The following SEMA4C variants were observed in gnomAD, a reference collection of about 807,000 sequenced individuals.
SEMA4C encodes semaphorin 4C, also known as semaphorin-4C.
In SEMA4C, 19 loss-of-function variants were observed where a neutral mutation model predicts 89.0. The ratio of observed to expected loss-of-function variants is 0.21; its 90% confidence interval spans 0.15 to 0.31. SEMA4C has a LOEUF of 0.31. Ranked by LOEUF, SEMA4C falls within the 10% of genes least tolerant of loss-of-function variation. The pLI is 1.00. For synonymous variants in SEMA4C, 428 were observed against 472.7 expected (o/e 0.91, Z 1.23); for missense variants, 811 against 1,107.0 (o/e 0.73, Z 3.79).
Position 96,866,276 on chromosome 2 carries a change from C to T in SEMA4C, c.258+7G>A. The T allele has an allele frequency of 6.2e-7, 1 of 1,604,452 alleles. No individual in the cohort carries two copies. On this transcript the variant is annotated splice_region_variant and intron_variant, in intron 3 of 14. Transcript: ENST00000305476. The stretch of plus-strand genomic sequence containing the variant: ...GCCCGACTGCCTCCCACTGCCCCAC[C>T]TCTCACCGCTCCTTGCAGCTCCAGG...
Position 96,864,648 on chromosome 2 carries a change from C to T in SEMA4C, c.962+57G>A, listed in dbSNP as rs1437258058. The T allele has an allele frequency of 5.2e-6, 8 of 1,547,238 alleles. No homozygotes were observed. Among genetic ancestry groups the T allele is most frequent in the South Asian group, 1.2e-5 (1 of 81,188 alleles). On this transcript the variant is annotated intron_variant, in intron 9 of 14. Transcript: ENST00000305476. This position sits in a 1 kb window ranked among gnomAD's most constrained non-coding sequence, Gnocchi z 6.3. ...CTGGTCCAGGCTCCCACCCATGCAC[C>T]GTCCCTGACCTGAACCCCAGCTCCT... is the stretch of plus-strand genomic sequence containing the variant.
At chr2:96,867,335 C>T (rs1368675988) in intron 2 of SEMA4C, among the ~76,000 whole-genome samples, 1 of 152,190 alleles carries the variant, frequency 6.6e-6, no homozygotes, top group African/African-American at 2.4e-5. Context: ...CTGCTGGGTC[C>T]CCGCTGTGCC....
intron 1 of SEMA4C, 39 bp downstream of exon 1, chr2:96,869,837 C>T (rs1366047279): frequency 1.0e-6 from 1 of 985,430 alleles, no homozygotes; most frequent in African/African-American, 1.7e-5. Context: ...GCTCCGGGGC[C>T]CCGCGGCTCC....
chr2:96,867,905 G>C lies in SEMA4C; in HGVS notation c.-19C>G, dbSNP rs1428040644. ...GGGCCATGGCGCACGCCCCGGCTCT[G>C]AGCTTCAGGCCAGCTGTCCTGCTGA... is the stretch of plus-strand genomic sequence containing the variant. On this transcript the variant is annotated 5_prime_UTR_variant, in exon 2 of 15. Transcript: ENST00000305476. The C allele has an allele frequency of 6.2e-7, 1 of 1,613,382 alleles. No individual in the cohort carries two copies. Among genetic ancestry groups the C allele is most frequent in the Admixed American group, 1.7e-5 (1 of 60,014 alleles).
In SEMA4C at chr2:96,867,804, A is replaced by G; in HGVS notation, c.83T>C (p.Val28Ala). 1 of 1,613,582 alleles carries G rather than the reference A, an allele frequency of 6.2e-7. No individual in the cohort carries two copies. Among genetic ancestry groups the G allele is most frequent in the Non-Finnish European group, 8.5e-7 (1 of 1,179,904 alleles). Residue 28 changes from valine to alanine, a missense_variant, in exon 2 of 15, where the codon GTG becomes GCG. Coordinates refer to ENST00000305476, the MANE Select transcript of SEMA4C (RefSeq NM_017789.5). Reference protein sequence around the residue: ...GIGAEVWWNLVPRKTVSSGEL... With the variant: ...GIGAEVWWNLAPRKTVSSGEL... ...CCCAGAAGACACTGTCTTACGCGGCACAAGGTTCCACCACACCTCAGCCCC... is the reference window on the plus strand; with the variant it reads ...CCCAGAAGACACTGTCTTACGCGGCGCAAGGTTCCACCACACCTCAGCCCC...
chr2:96,869,849 G>T, intron 1 of SEMA4C, 27 bp downstream of exon 1: 1 of 985,556 alleles, frequency 1.0e-6, no homozygotes, highest in Non-Finnish European at 1.2e-6. Flanking sequence ...CGCGGCTCCA[G>T]CCTCACGCAA....
rs2080072234 is a variant in SEMA4C, at chr2:96,866,419, A to G, written c.122T>C (p.Val41Ala). The G allele has an allele frequency of 6.2e-7, 1 of 1,613,794 alleles. No individual in the cohort carries two copies. The highest frequency in any genetic ancestry group is 1.3e-5 in the African/African-American group (1 of 74,936). The change falls in exon 3 of 15, where the codon GTA becomes GCA. Residue 41 changes from valine (V) to alanine (A), a missense_variant. Val to Ala is a moderately conservative substitution (Grantham distance 64). Transcript: ENST00000305476. ...KTVSSGELAT[V>A]VRRFSQTGIQ... ...GCCGGTCTGGGAGAACCGCCGTACT[A>G]CCGTGGCCAGCTCTGCAGGGGTAAG...
chr2:96,870,397 C>T (rs2080177049), upstream of SEMA4C: 1 of 924,822 alleles, frequency 1.1e-6, no homozygotes, highest in Non-Finnish European at 1.3e-6. Context: ...CTGAAGTGTC[C>T]CCCGAAGACT....
intron 12 of SEMA4C, 183 bp from the exon 13 acceptor site, chr2:96,862,077 G>T: frequency 3.1e-6 from 2 of 651,546 alleles, no homozygotes; most frequent in Non-Finnish European, 5.2e-6. Context: ...TCTAAGAACC[G>T]CAGAACTCAG....
In SEMA4C at chr2:96,860,371, G is replaced by T; in HGVS notation, c.*255C>A. 2.0e-6 allele frequency: 1 copy of T among 502,498 alleles called. No homozygotes were observed. The highest frequency in any genetic ancestry group is 3.5e-6 in the Non-Finnish European group (1 of 285,782). The allele number at this position is 502,498 out of a possible 1,614,324, so 31.1% of individuals were successfully genotyped here. A position where few individuals can be genotyped will look rare whatever the true frequency, so the allele number is the denominator to read the frequency against. On this transcript the variant is annotated 3_prime_UTR_variant, in exon 15 of 15. Coordinates refer to ENST00000305476, the MANE Select transcript of SEMA4C (RefSeq NM_017789.5). The stretch of plus-strand genomic sequence containing the variant: ...TGAAACTTCTGCCTTGAAAAGTTTT[G>T]GCGGCTGGGGTCCCGCGTGTCTGTG...
chr2:96,869,212 C>T, intron 1 of SEMA4C: 2 of 985,394 alleles, frequency 2.0e-6, no homozygotes. Context: ...CACCCCGTGG[C>T]GTGCTCCGAG....
chr2:96,861,375 G>A lies in SEMA4C; in HGVS notation c.1753C>T (p.His585Tyr). 1.7e-5 allele frequency: 27 copies of A among 1,609,246 alleles called. No homozygotes were observed. Among genetic ancestry groups the A allele is most frequent in the Non-Finnish European group, 2.2e-5 (26 of 1,180,014 alleles). The change falls in exon 15 of 15, where the codon CAT becomes TAT. Residue 585 changes from histidine (H) to tyrosine (Y), a missense_variant. Around this residue, in one of 4 missense-constraint regions of SEMA4C, gnomAD observed 441 missense variants for 664.9 expected, o/e 0.66. Transcript: ENST00000305476. This position sits in a 1 kb window ranked among gnomAD's most constrained non-coding sequence, Gnocchi z 7.8. ...CGGCCCCCAAAGGTCCAGCGGGCAT[G>A]GGCCAAGTTGGAGGAGAGGTGGCAG... The part of the protein sequence containing the change: ...LPCHLSSNLA[H>Y]ARWTFGGRDL...
In SEMA4C at chr2:96,866,416, A is replaced by T. The variant is rs764395907; in HGVS notation, c.125T>A (p.Val42Glu). The T allele has an allele frequency of 1.2e-6, 2 of 1,613,958 alleles. No individual in the cohort carries two copies. Among genetic ancestry groups the T allele is most frequent in the East Asian group, 4.5e-5 (2 of 44,890 alleles). ...GATGCCGGTCTGGGAGAACCGCCGT[A>T]CTACCGTGGCCAGCTCTGCAGGGGT... ...TVSSGELATV[V>E]RRFSQTGIQD... Residue 42 changes from valine (V) to glutamate (E), a missense_variant, in exon 3 of 15, where the codon GTA becomes GAA. By Grantham distance (121) the Val-to-Glu change is moderately radical (BLOSUM62 -2). Around this residue, in one of 4 missense-constraint regions of SEMA4C, gnomAD observed 119 missense variants for 152.7 expected, o/e 0.78. Transcript: ENST00000305476.
At position 96,861,656 on chromosome 2, in the gene SEMA4C, G is replaced by A. The variant is rs750959003; in HGVS notation, c.1602-7C>T. ...ATGCTGGATCAGTAGAGATCTGGTA[G>A]GGGATGTAGGGTACATCAGCAGCCT... On this transcript the variant is annotated splice_region_variant and splice_polypyrimidine_tract_variant and intron_variant, in intron 13 of 14. Coordinates refer to ENST00000305476, the MANE Select transcript of SEMA4C (RefSeq NM_017789.5). This position sits in a 1 kb window ranked among gnomAD's most constrained non-coding sequence, Gnocchi z 7.8. 2 of 1,582,806 alleles carry A rather than the reference G, an allele frequency of 1.3e-6. No individual in the cohort carries two copies. Among genetic ancestry groups the A allele is most frequent in the African/African-American group, 1.3e-5 (1 of 74,298 alleles).
intron 2 of SEMA4C, chr2:96,866,851 C>T (rs913455674): frequency 2.8e-5 from 10 of 354,334 alleles, no homozygotes; most frequent in East Asian, 7.4e-5. Flanking sequence ...GAGGCACAGA[C>T]GGCTATGAGT....
intron 1 of SEMA4C, 97 bp downstream of exon 1, chr2:96,869,779 C>T (rs2080166639): frequency 4.1e-6 from 4 of 985,268 alleles, no homozygotes; most frequent in Non-Finnish European, 4.8e-6. Flanking sequence ...CAGCCCCTGT[C>T]CCTCCCGCGT....
intron 1 of SEMA4C, chr2:96,869,619 G>T: frequency 1.0e-6 from 1 of 985,228 alleles, no homozygotes; most frequent in African/African-American, 1.7e-5. Flanking sequence ...GACCGCGCGA[G>T]GAACCCTCGC....
chr2:96,865,187 G>T lies in SEMA4C; in HGVS notation c.634+17C>A. 1.2e-6 allele frequency: 2 copies of T among 1,611,864 alleles called. No individual in the cohort carries two copies. Among genetic ancestry groups the T allele is most frequent in the South Asian group, 2.2e-5 (2 of 90,766 alleles). The stretch of plus-strand genomic sequence containing the variant: ...GACCTCCCACCCATGGCTCCCACAG[G>T]CCCCCCGGTGGCTCACCGTTGAGCC... On this transcript the variant is annotated intron_variant, in intron 7 of 14. Coordinates refer to ENST00000305476, the MANE Select transcript of SEMA4C (RefSeq NM_017789.5).
At position 96,861,914 on chromosome 2, in the gene SEMA4C, C is replaced by G; in HGVS notation, c.1444-20G>C. The G allele has an allele frequency of 6.3e-7, 1 of 1,593,762 alleles. No individual in the cohort carries two copies. The highest frequency in any genetic ancestry group is 2.3e-5 in the East Asian group (1 of 43,978). On this transcript the variant is annotated intron_variant, in intron 12 of 14. Coordinates refer to ENST00000305476, the MANE Select transcript of SEMA4C (RefSeq NM_017789.5). The surrounding 1 kb of genome is among the most constrained non-coding windows in gnomAD (Gnocchi z 7.8). ...CAGCTTCTGCGAGAAAAGCGGGGCG[C>G]AGGAGGGGGGTCGGCCAGGGCCACA...
Sources: allele counts gnomAD v4.1 joint callset (sites outside exome capture counted in the v4.1 genomes callset), GRCh38; gene constraint gnomAD v4.1.1; regional missense constraint gnomAD v4.1.1; non-coding constraint Gnocchi (gnomAD v3.1); transcripts MANE v1.5; gene names NCBI Gene and HGNC (gene_info 2026-07-23, HGNC 2026-07-21).